Variants in SARDH observed in about 807,000 individuals in gnomAD.
SARDH encodes the protein sarcosine dehydrogenase, also known as sarcosine dehydrogenase, mitochondrial.
A neutral mutation model predicts 109.1 loss-of-function variants in SARDH; 95 were observed. That is an observed-to-expected ratio of 0.87 (90% confidence interval 0.74 to 1.03). The LOEUF is 1.03. Ranked by LOEUF, SARDH falls within the 50% of genes least tolerant of loss-of-function variation. The pLI is 0.00. For missense variants in SARDH, 1,267 were observed against 1,287.8 expected (o/e 0.98, Z 0.25); for synonymous variants, 572 against 534.8 (o/e 1.07, Z -0.96).
intron 2 of SARDH, among the ~76,000 whole-genome samples, chr9:133,732,876 A>C (rs1371278710): frequency 6.6e-6 from 1 of 152,220 alleles, no homozygotes; most frequent in African/African-American, 2.4e-5. Context: ...CCCCGTGCTA[A>C]GCCTGTCATG....
At chr9:133,669,527 T>C (rs909352090) in intron 19 of SARDH, among the ~76,000 whole-genome samples, 1 of 151,562 alleles carries the variant, frequency 6.6e-6, no homozygotes, top group Non-Finnish European at 1.5e-5. Context: ...CCTGATCTTC[T>C]CAGACTGCCC....
Position 133,665,285 on chromosome 9 carries a change from C to T in SARDH, c.2632-1271G>A, listed in dbSNP as rs528728773. Among the ~76,000 whole-genome samples the T allele has an allele frequency of 6.5e-3, 986 of 152,296 alleles. 4 individuals carry two copies. The highest frequency in any genetic ancestry group is 0.01 in the Non-Finnish European group (691 of 68,018). ...CCGGAGAAAGGCGAGCATTACTGTT[C>T]TTTGAAGAAATGGCAAAGGAGCCTC... On this transcript the variant is annotated intron_variant, in intron 20 of 20. Coordinates refer to ENST00000439388, the MANE Select transcript of SARDH (RefSeq NM_001134707.2).
In SARDH at chr9:133,666,794, C is replaced by T; in HGVS notation, c.2572G>A (p.Gly858Arg). 1 of 1,606,018 alleles carries T rather than the reference C, an allele frequency of 6.2e-7. No homozygotes were observed. The highest frequency in any genetic ancestry group is 1.3e-5 in the African/African-American group (1 of 74,934). The stretch of plus-strand genomic sequence containing the variant: ...GCGATGGTCTTGTCGATGGCGAACC[C>T]AAAGTCAGCCCTCCGGACATGGCCC... ...VVGHVRRADF[G>R]FAIDKTIAYG... is the part of the protein sequence containing the mutation. The change falls in exon 20 of 21, where the codon GGG becomes AGG. Residue 858 changes from glycine to arginine, a missense_variant. Gly to Arg is a moderately radical substitution (Grantham distance 125). Transcript: ENST00000439388. The surrounding 1 kb of genome is among the most constrained non-coding windows in gnomAD (Gnocchi z 5.2).
In SARDH at chr9:133,685,293, G is replaced by C. The variant is rs1160623832; in HGVS notation, c.2070-7C>G. On this transcript the variant is annotated splice_region_variant and splice_polypyrimidine_tract_variant and intron_variant, in intron 16 of 20. Transcript: ENST00000439388. The stretch of plus-strand genomic sequence containing the variant: ...CTCCTGCAAAATGGCTCGGCTGCAG[G>C]CAAGAGCAAAGTCGCTCAGTCAGCA... The C allele has an allele frequency of 6.2e-7, 1 of 1,612,524 alleles. No homozygotes were observed. The highest frequency in any genetic ancestry group is 1.3e-5 in the African/African-American group (1 of 74,930).
intron 13 of SARDH, among the ~76,000 whole-genome samples, chr9:133,701,157 C>T (rs561896525): frequency 6.6e-6 from 1 of 152,348 alleles, no homozygotes; most frequent in Admixed American, 6.5e-5. Flanking sequence ...CTGCCCAGCT[C>T]CACATTCAGT....
chr9:133,707,131 G>T (rs1262308236), intron 11 of SARDH, among the ~76,000 whole-genome samples: 2 of 152,214 alleles, frequency 1.3e-5, no homozygotes, highest in Non-Finnish European at 2.9e-5. Context: ...GTCAAGTGTC[G>T]CAAGAAGGCT....
At chr9:133,733,098 C>T (rs931943900) in intron 2 of SARDH, among the ~76,000 whole-genome samples, 7 of 152,192 alleles carry the variant, frequency 4.6e-5, no homozygotes, top group African/African-American at 1.7e-4. Flanking sequence ...GGCGAAACGT[C>T]AGGGAAGAGG....
chr9:133,736,540 T>C (rs1259682222), intron 1 of SARDH, among the ~76,000 whole-genome samples: 1 of 152,082 alleles, frequency 6.6e-6, no homozygotes, highest in Non-Finnish European at 1.5e-5. Context: ...GGATTATAGG[T>C]GCATGCCACC....
At chr9:133,717,178 G>C in intron 8 of SARDH, 148 bp downstream of exon 8, 1 of 961,208 alleles carries the variant, frequency 1.0e-6, no homozygotes, top group Non-Finnish European at 1.6e-6. Flanking sequence ...CTAGTACCCA[G>C]GGCTGCTGGA....
chr9:133,732,736 G>A (rs1832733337), intron 2 of SARDH, 135 bp from the exon 3 acceptor site: 2 of 984,758 alleles, frequency 2.0e-6, no homozygotes, highest in Non-Finnish European at 2.9e-6. Flanking sequence ...CAGGACCTGG[G>A]GGGCCTGGAG....
At chr9:133,673,472 C>A (rs1034455091) in intron 17 of SARDH, among the ~76,000 whole-genome samples, 1 of 152,230 alleles carries the variant, frequency 6.6e-6, no homozygotes, top group Non-Finnish European at 1.5e-5. Context: ...CTGGGATACG[C>A]CTGTGGGAAG....
chr9:133,712,707 T>C lies in SARDH; in HGVS notation c.1240A>G (p.Met414Val). Residue 414 changes from methionine to valine, a missense_variant and splice_region_variant, in exon 10 of 21, where the codon ATG (methionine) becomes GTG (valine). Met to Val is a conservative substitution (Grantham distance 21). Coordinates refer to ENST00000439388, the MANE Select transcript of SARDH (RefSeq NM_001134707.2). This position sits in a 1 kb window ranked among gnomAD's most constrained non-coding sequence, Gnocchi z 4.1. ...TGCCCACAGCCACCACCCAGCATCA[T>C]TCCTGGCAGGAAGAGAAGCGCAGGG... ...FLGCGFNSAGMMLGGGCGQEL... is the reference protein window; with the variant it reads ...FLGCGFNSAGVMLGGGCGQEL... 1 of 1,608,104 alleles carries C rather than the reference T, an allele frequency of 6.2e-7. No individual in the cohort carries two copies. Among genetic ancestry groups the C allele is most frequent in the Non-Finnish European group, 8.5e-7 (1 of 1,179,860 alleles).
At chr9:133,660,181 A>G (rs149294677), downstream of SARDH, among the ~76,000 whole-genome samples, 448 of 151,668 alleles carry the variant, frequency 3.0e-3, 4 homozygotes, top group African/African-American at 0.011. Context: ...CACCCAGATA[A>G]GCGTAACCCC....
Position 133,731,451 on chromosome 9 carries a change from G to C in SARDH, c.544C>G (p.Leu182Val), listed in dbSNP as rs780949546. 20 of 1,614,146 alleles carry C rather than the reference G, an allele frequency of 1.2e-5. No individual in the cohort carries two copies. The South Asian group carries it at 2.2e-4, about 18-fold the overall frequency. Reference protein sequence around the residue: ...GKAYGVESHVLSPAETKTLYP... With the variant: ...GKAYGVESHVVSPAETKTLYP... ...AGAGTCTTGGTCTCTGCCGGGCTCAGCACATGGGATTCCACACCATACGCC... is the reference window on the plus strand; with the variant it reads ...AGAGTCTTGGTCTCTGCCGGGCTCACCACATGGGATTCCACACCATACGCC... The change falls in exon 4 of 21, where the codon CTG becomes GTG. Residue 182 changes from leucine (L) to valine (V), a missense_variant. By Grantham distance (32) the Leu-to-Val change is conservative (BLOSUM62 1). Transcript: ENST00000439388.
Position 133,712,623 on chromosome 9 carries a change from T to A in SARDH, c.1324A>T (p.Ile442Phe), listed in dbSNP as rs1325694840. 6.2e-7 allele frequency: 1 copy of A among 1,608,388 alleles called. No individual in the cohort carries two copies. The highest frequency in any genetic ancestry group is 2.2e-5 in the East Asian group (1 of 44,844). Residue 442 changes from isoleucine (I) to phenylalanine (F), a missense_variant, in exon 10 of 21, where the codon ATC (isoleucine) becomes TTC (phenylalanine). By Grantham distance (21) the Ile-to-Phe change is conservative. Coordinates refer to ENST00000439388, the MANE Select transcript of SARDH (RefSeq NM_001134707.2). The surrounding 1 kb of genome is among the most constrained non-coding windows in gnomAD (Gnocchi z 4.1). Reference protein sequence around the residue: ...RPEKDMHGYDIRRFHHSLTDH... With the variant: ...RPEKDMHGYDFRRFHHSLTDH... Reference sequence around the variant, plus strand: ...TAGGTCCCAATGGGCACTTACCTGATGTCATAGCCATGCATGTCCTTCTCC... The same window carrying A: ...TAGGTCCCAATGGGCACTTACCTGAAGTCATAGCCATGCATGTCCTTCTCC...
chr9:133,668,306 TCCCTCTC>T (rs1830152273), intron 19 of SARDH, among the ~76,000 whole-genome samples: 1 of 24,498 alleles, frequency 4.1e-5, no homozygotes, highest in East Asian at 3.9e-3. Flanking sequence ...TCCCTCTCCC[TCCCTCTC>T]CCCCACCCTC....
chr9:133,730,240 T>C, intron 4 of SARDH, 53 bp from the exon 5 acceptor site: 2 of 1,599,734 alleles, frequency 1.3e-6, no homozygotes, highest in Non-Finnish European at 1.7e-6. Flanking sequence ...CCGGGGGTGC[T>C]TCCCACCCCA....
At position 133,671,625 on chromosome 9, in the gene SARDH, G is replaced by C. The variant is rs758621893; in HGVS notation, c.2236C>G (p.Pro746Ala). The C allele has an allele frequency of 1.9e-6, 3 of 1,601,674 alleles. No homozygotes were observed. The highest frequency in any genetic ancestry group is 2.3e-5 in the East Asian group (1 of 44,358). Residue 746 changes from proline (P) to alanine (A), a missense_variant, in exon 18 of 21, where the codon CCT becomes GCT. Coordinates refer to ENST00000439388, the MANE Select transcript of SARDH (RefSeq NM_001134707.2). ...ELHIPKASCV[P>A]VYRAVMAAGA... ...GCGGCCATCACAGCCCGGTACACAG[G>C]CACGCAGGACGCCTTTGGAATGTGC... is the stretch of plus-strand genomic sequence containing the variant.
chr9:133,733,931 G>A lies in SARDH; in HGVS notation c.243C>T (p.Thr81=). 1 of 1,593,678 alleles carries A rather than the reference G, an allele frequency of 6.3e-7. No individual in the cohort carries two copies. The highest frequency in any genetic ancestry group is 1.1e-5 in the South Asian group (1 of 87,784). ...VIGGGSLGCQ[T]LYHLAKLGMS... ...TGCCCAGCTTGGCCAGGTGGTACAGGGTCTGGCAGCCCAAGCTGCCTCCAC... is the reference window on the plus strand; with the variant it reads ...TGCCCAGCTTGGCCAGGTGGTACAGAGTCTGGCAGCCCAAGCTGCCTCCAC... Residue 81 remains threonine (T), a synonymous_variant, in exon 2 of 21, where the codon ACC becomes ACT. Transcript: ENST00000439388.
Sources: allele counts gnomAD v4.1 joint callset (sites outside exome capture counted in the v4.1 genomes callset), GRCh38; gene constraint gnomAD v4.1.1; non-coding constraint Gnocchi (gnomAD v3.1); transcripts MANE v1.5; gene names NCBI Gene and HGNC (gene_info 2026-07-23, HGNC 2026-07-21).